The following CLASP2 variants were observed in gnomAD, a reference collection of about 807,000 sequenced individuals.
CLASP2 encodes the protein cytoplasmic linker associated protein 2, also known as CLIP-associating protein 2.
In CLASP2, 47 loss-of-function variants were observed where a neutral mutation model predicts 194.4. The ratio of observed to expected loss-of-function variants is 0.24; its 90% CI spans 0.19 to 0.31. The LOEUF is 0.31. CLASP2 is among the 10% of genes least tolerant of loss of function. The pLI is 1.00. For synonymous variants in CLASP2, 619 were observed against 633.5 expected, an observed-to-expected ratio of 0.98 and a Z score of 0.34; for missense variants, 1,445 against 1,823.6, an observed-to-expected ratio of 0.79 and a Z score of 3.78.
At chr3:33,591,632 TA>T (rs1472927517) in intron 21 of CLASP2, among the ~76,000 whole-genome samples, 3 of 152,160 alleles carry the variant, frequency 2.0e-5, no homozygotes, top group African/African-American at 7.2e-5. Context: ...TAAATACTTT[TA>T]AAAAATGCCA....
intron 6 of CLASP2, among the ~76,000 whole-genome samples, chr3:33,680,728 T>C (rs930134153): frequency 1.3e-5 from 2 of 152,062 alleles, no homozygotes; most frequent in Non-Finnish European, 2.9e-5. Flanking sequence ...GGAGGATTGC[T>C]TGGGGCCAAG....
intron 30 of CLASP2, among the ~76,000 whole-genome samples, chr3:33,547,106 C>T (rs1462206401): frequency 6.6e-6 from 1 of 152,110 alleles, no homozygotes; most frequent in Non-Finnish European, 1.5e-5. Flanking sequence ...GGATAAATCC[C>T]TCTTGGTCAT....
intron 1 of CLASP2, among the ~76,000 whole-genome samples, chr3:33,709,791 ATAGGAAGATAATATAT>A (rs1283592703): frequency 1.3e-5 from 2 of 152,244 alleles, no homozygotes; most frequent in African/African-American, 4.8e-5. Context: ...GTTAGCAGCA[ATAGGAAGATAATATAT>A]TAATGAATCA....
intron 9 of CLASP2, among the ~76,000 whole-genome samples, chr3:33,629,955 C>T (rs1422196436): frequency 6.6e-6 from 1 of 152,122 alleles, no homozygotes; most frequent in African/African-American, 2.4e-5. Flanking sequence ...GTAGAAAAAA[C>T]AATGGACTGA....
At chr3:33,519,987 TTTA>T (rs1490889236) in intron 34 of CLASP2, among the ~76,000 whole-genome samples, 1 of 152,192 alleles carries the variant, frequency 6.6e-6, no homozygotes, top group African/African-American at 2.4e-5. Flanking sequence ...TAATTTTGGC[TTTA>T]TGATATTTTT....
At position 33,602,985 on chromosome 3, in the gene CLASP2, C is replaced by T. The variant is rs779980704; in HGVS notation, c.1891G>A (p.Gly631Ser). The change falls in exon 18 of 39, where the codon GGT (glycine) becomes AGT (serine). Residue 631 changes from glycine to serine, a missense_variant. Coordinates refer to ENST00000682230, the MANE Select transcript of CLASP2 (RefSeq NM_001365631.1). Reference protein sequence around the residue: ...QSVRSGRLGAGALNAGSYASL... With the variant: ...QSVRSGRLGASALNAGSYASL... ...GCATAGGAACCTGCATTCAGGGCACCTGCACCTAAGCGCCCGCTTCGCACA... is the reference window on the plus strand; with the variant it reads ...GCATAGGAACCTGCATTCAGGGCACTTGCACCTAAGCGCCCGCTTCGCACA... 10 of 1,610,694 alleles carry T rather than the reference C, an allele frequency of 6.2e-6. No individual in the cohort carries two copies. The African/African-American group carries it at 1.3e-4, about 22-fold the overall frequency.
chr3:33,626,000 C>T (rs564554795), intron 10 of CLASP2, among the ~76,000 whole-genome samples: 2 of 152,140 alleles, frequency 1.3e-5, no homozygotes, highest in Admixed American at 6.6e-5. Flanking sequence ...ACTAATAACA[C>T]TTAATCTGTC....
Position 33,718,069 on chromosome 3 carries a change from C to G in CLASP2, c.-67G>C. On this transcript the variant is annotated 5_prime_UTR_variant, in exon 1 of 39. Coordinates refer to ENST00000682230, the MANE Select transcript of CLASP2 (RefSeq NM_001365631.1). ...ACTTTCGCCGAGAGCCGCCCAGCCT[C>G]CAGTGCGGGTCCCCGCGGGAGCGGG... is the stretch of plus-strand genomic sequence containing the variant. 1 of 1,412,428 alleles carries G rather than the reference C, an allele frequency of 7.1e-7. No individual in the cohort carries two copies. Among genetic ancestry groups the G allele is most frequent in the Non-Finnish European group, 9.2e-7 (1 of 1,085,812 alleles). 87.5% of individuals were successfully genotyped at this position (1,412,428 alleles called of 1,614,324 possible).
chr3:33,649,966 A>G (rs1393318192), intron 7 of CLASP2, among the ~76,000 whole-genome samples: 1 of 152,162 alleles, frequency 6.6e-6, no homozygotes, highest in East Asian at 1.9e-4. Flanking sequence ...CTGGCCTCAA[A>G]TTATTCCCAC....
intron 6 of CLASP2, among the ~76,000 whole-genome samples, chr3:33,682,116 C>A (rs1485258575): frequency 6.6e-6 from 1 of 152,124 alleles, no homozygotes; most frequent in Non-Finnish European, 1.5e-5. Context: ...AAATAAACGT[C>A]TTTTCTTTAT....
intron 21 of CLASP2, among the ~76,000 whole-genome samples, chr3:33,585,918 A>G (rs958972179): frequency 3.9e-5 from 6 of 152,204 alleles, no homozygotes; most frequent in Non-Finnish European, 8.8e-5. Flanking sequence ...ATGGTACAGC[A>G]AAGCTATCTG....
At chr3:33,583,347 A>G (rs1403830652) in intron 22 of CLASP2, among the ~76,000 whole-genome samples, 8 of 152,238 alleles carry the variant, frequency 5.3e-5, no homozygotes, top group Admixed American at 4.6e-4. Flanking sequence ...TTATAATGAC[A>G]TAAGTAAATA....
At chr3:33,602,474 T>C (rs778621694) in intron 18 of CLASP2, 22 of 716,064 alleles carry the variant, frequency 3.1e-5, no homozygotes, top group Admixed American at 1.6e-4. Context: ...TTTAATTTGA[T>C]AGACATAAAA....
chr3:33,516,851 A>G, intron 35 of CLASP2, 130 bp downstream of exon 35: 1 of 794,258 alleles, frequency 1.3e-6, no homozygotes. Flanking sequence ...TCACAGTGAA[A>G]AGTTCATGCA....
chr3:33,581,171 C>T (rs534938804), intron 23 of CLASP2, among the ~76,000 whole-genome samples: 2 of 152,188 alleles, frequency 1.3e-5, no homozygotes, highest in African/African-American at 4.8e-5. Flanking sequence ...AAAACTGTAC[C>T]TCTCCAGTTA....
At chr3:33,653,565 T>C (rs980736853) in intron 7 of CLASP2, among the ~76,000 whole-genome samples, 7 of 108,018 alleles carry the variant, frequency 6.5e-5, no homozygotes, top group Non-Finnish European at 9.1e-5. Context: ...ATTGAGAAAA[T>C]GTGAACACAT....
chr3:33,603,162 A>G, intron 17 of CLASP2, 37 bp from the exon 18 acceptor site: 1 of 1,489,224 alleles, frequency 6.7e-7, no homozygotes, highest in East Asian at 2.5e-5. Flanking sequence ...TATATCATTT[A>G]AATCACTGAA....
intron 37 of CLASP2, among the ~76,000 whole-genome samples, chr3:33,510,001 G>A (rs1042185233): frequency 1.3e-5 from 2 of 152,126 alleles, no homozygotes; most frequent in Admixed American, 6.5e-5. Context: ...TTTATCAACA[G>A]ATGAACAGAT....
intron 8 of CLASP2, among the ~76,000 whole-genome samples, chr3:33,639,405 T>A (rs1021514644): frequency 2.0e-5 from 3 of 152,196 alleles, no homozygotes; most frequent in Non-Finnish European, 4.4e-5. Context: ...TAGTAAGCTC[T>A]ATATACAAAT....
Sources: gnomAD v4.1 joint callset for allele counts (sites outside exome capture counted in the v4.1 genomes callset) on GRCh38, gnomAD v4.1.1 for gene constraint, MANE v1.5 for transcripts, NCBI Gene and HGNC (gene_info 2026-07-23, HGNC 2026-07-21) for gene names.